The following TNN variants were observed in gnomAD, a reference collection of about 807,000 sequenced individuals.
The protein encoded by TNN is tenascin-N.
In TNN, 122 loss-of-function variants were observed where a neutral mutation model predicts 134.4. That is an observed-to-expected ratio of 0.91 (90% CI 0.78 to 1.06). The LOEUF (loss-of-function observed/expected upper bound fraction) is 1.06. TNN is among the 50% of genes least tolerant of loss of function. The pLI, the probability that TNN is intolerant of heterozygous loss-of-function variation, is 0.00. For synonymous variants in TNN, 710 were observed against 670.3 expected, an observed-to-expected ratio of 1.06 and a Z score of -0.91; for missense variants, 1,739 against 1,699.4, an observed-to-expected ratio of 1.02 and a Z score of -0.41.
chr1:175,110,198 TAAG>T (rs1224720887), intron 9 of TNN, among the ~76,000 whole-genome samples: 2 of 152,204 alleles, frequency 1.3e-5, no homozygotes, highest in African/African-American at 4.8e-5. Flanking sequence ...CATTTTAAAA[TAAG>T]ATGATGATGA....
chr1:175,124,451 C>G (rs1675458829), intron 12 of TNN, among the ~76,000 whole-genome samples: 2 of 152,166 alleles, frequency 1.3e-5, no homozygotes, highest in Admixed American at 1.3e-4. Context: ...GAGGTCAAGG[C>G]TGGTGGATCA....
intron 9 of TNN, among the ~76,000 whole-genome samples, chr1:175,107,995 C>T (rs1314514199): frequency 2.2e-5 from 3 of 139,192 alleles, no homozygotes; most frequent in Non-Finnish European, 3.1e-5. Flanking sequence ...TACACAGTGT[C>T]GATTGGTGCA....
chr1:175,141,027 G>A (rs11580347), intron 17 of TNN, among the ~76,000 whole-genome samples: 24,575 of 152,174 alleles, frequency 0.16, 2,386 homozygotes, highest in Non-Finnish European at 0.22. Context: ...TGGCATGCAT[G>A]CAGCCTGGCA....
Position 175,147,441 on chromosome 1 carries a change from T to A in TNN, c.*370T>A, listed in dbSNP as rs1179863778. On this transcript the variant is annotated 3_prime_UTR_variant, in exon 19 of 19. Coordinates refer to ENST00000239462, the MANE Select transcript of TNN (RefSeq NM_022093.2). Reference sequence around the variant, plus strand: ...GTATTTAAAGTTCTGCTAATGCAAATCTTTTCTCTGGAAAGAAGCACAGAG... The same window carrying A: ...GTATTTAAAGTTCTGCTAATGCAAAACTTTTCTCTGGAAAGAAGCACAGAG... 1.2e-5 allele frequency: 2 copies of A among 167,956 alleles called. No homozygotes were observed. The highest frequency in any genetic ancestry group is 2.5e-5 in the Non-Finnish European group (2 of 78,878). The allele number at this position is 167,956 out of a possible 1,614,324, so 10.4% of individuals were successfully genotyped here.
chr1:175,079,675 A>G lies in TNN; in HGVS notation c.752A>G (p.Glu251Gly). ...TGTGACACGGGCGAGTGCTACTGCG[A>G]GGAGGGCTTCACAGGCCTGGACTGT... ...GFCDTGECYC[E>G]EGFTGLDCAQ... Residue 251 changes from glutamate (E) to glycine (G), a missense_variant, in exon 3 of 19, where the codon GAG becomes GGG. Glu to Gly is a moderately conservative substitution (Grantham distance 98, BLOSUM62 -2). Coordinates refer to ENST00000239462, the MANE Select transcript of TNN (RefSeq NM_022093.2). 6.2e-7 allele frequency: 1 copy of G among 1,608,298 alleles called. No individual in the cohort carries two copies. The highest frequency in any genetic ancestry group is 8.5e-7 in the Non-Finnish European group (1 of 1,177,686).
rs148591706 is a variant in TNN, at chr1:175,132,092, G to A, written c.3330+3346G>A. Among the ~76,000 whole-genome samples, 495 of 152,182 alleles carry A rather than the reference G, an allele frequency of 3.3e-3. 2 individuals carry two copies. The highest frequency in any genetic ancestry group is 0.012 in the South Asian group (57 of 4,824). On this transcript the variant is annotated intron_variant, in intron 15 of 18. Coordinates refer to ENST00000239462, the MANE Select transcript of TNN (RefSeq NM_022093.2). ...TTGTGGTGGGAACGTGATTTGACAC[G>A]ATGTATGTGGAGCCATACATCGGTG...
intron 9 of TNN, among the ~76,000 whole-genome samples, chr1:175,105,656 C>T: frequency 6.9e-6 from 1 of 145,574 alleles, no homozygotes; most frequent in East Asian, 2.3e-4. Context: ...CCATTTTTCC[C>T]CATCAGAAAG....
In TNN at chr1:175,085,455, G is replaced by C. The variant is rs746885151; in HGVS notation, c.1285G>C (p.Glu429Gln). The C allele has an allele frequency of 3.7e-6, 6 of 1,612,962 alleles. No individual in the cohort carries two copies. The Admixed American group carries it at 6.7e-5, about 18-fold the overall frequency. The change falls in exon 6 of 19, where the codon GAG becomes CAG. Residue 429 changes from glutamate (E) to glutamine (Q), a missense_variant. Glu to Gln is a conservative substitution (Grantham distance 29, BLOSUM62 2). Transcript: ENST00000239462. ...YKITVVPMRG[E>Q]LEGKPILLNG... ...GATCACGGTGGTGCCCATGAGAGGA[G>C]AGCTGGAGGGCAAGCCGATCCTCCT... is the stretch of plus-strand genomic sequence containing the variant.
rs1406700489 is a variant in TNN, at chr1:175,067,888, G to A, written c.-83G>A. 4 of 499,602 alleles carry A rather than the reference G, an allele frequency of 8.0e-6. No homozygotes were observed. Among genetic ancestry groups the A allele is most frequent in the African/African-American group, 5.8e-5 (3 of 51,528 alleles). The allele number at this position is 499,602 out of a possible 1,614,324, so 30.9% of individuals were successfully genotyped here. A position where few individuals can be genotyped will look rare whatever the true frequency, so the allele number is the denominator to read the frequency against. ...CCAAGGTCTGCGGCAGGAGGAGACC[G>A]GCTCACAGGAGCAGCAGCATTGGAA... is the stretch of plus-strand genomic sequence containing the variant. On this transcript the variant is annotated 5_prime_UTR_variant, in exon 1 of 19. Transcript: ENST00000239462.
intron 9 of TNN, among the ~76,000 whole-genome samples, chr1:175,115,206 T>C (rs1414598935): frequency 1.3e-5 from 2 of 152,060 alleles, no homozygotes; most frequent in African/African-American, 4.8e-5. Flanking sequence ...AGGCACTGAT[T>C]CCCCAGTGGG....
intron 1 of TNN, among the ~76,000 whole-genome samples, chr1:175,072,834 T>A (rs1445050009): frequency 6.6e-6 from 1 of 151,676 alleles, no homozygotes; most frequent in East Asian, 1.9e-4. Context: ...AACAGGGACT[T>A]GTGGGAGTTC....
intron 2 of TNN, 60 bp downstream of exon 2, chr1:175,077,887 G>A: frequency 6.6e-7 from 1 of 1,516,170 alleles, no homozygotes; most frequent in Middle Eastern, 1.8e-4. Flanking sequence ...TTATGTGCCA[G>A]GGTTTCCACT....
chr1:175,115,097 G>A (rs891254667), intron 9 of TNN, among the ~76,000 whole-genome samples: 12 of 152,112 alleles, frequency 7.9e-5, no homozygotes, highest in Non-Finnish European at 1.8e-4. Flanking sequence ...TGTCTGGCCA[G>A]TAGGGTGGGG....
At chr1:175,121,418 C>T (rs4650699) in intron 11 of TNN, among the ~76,000 whole-genome samples, 95,469 of 152,000 alleles carry the variant, frequency 0.63, 29,967 homozygotes, top group Admixed American at 0.64. Flanking sequence ...TGAGATGAGG[C>T]GGGAGGAGCA....
chr1:175,097,365 T>G, intron 7 of TNN, 52 bp from the exon 8 acceptor site: 1 of 1,604,194 alleles, frequency 6.2e-7, no homozygotes, highest in Non-Finnish European at 8.5e-7. Flanking sequence ...GCTGTCTTTA[T>G]GGAATTAGAG....
intron 6 of TNN, among the ~76,000 whole-genome samples, chr1:175,091,080 G>C (rs575293065): frequency 1.3e-5 from 2 of 152,220 alleles, no homozygotes; most frequent in African/African-American, 2.4e-5. Context: ...GGTAGAAAGA[G>C]GTTTCAGTCC....
Position 175,118,475 on chromosome 1 carries a change from G to A in TNN, c.2387-86G>A, listed in dbSNP as rs547280080. ...GGCGGAAACCCCACACAACATGAAAGGGTTTCACCCCACGCAAAATGACCA... is the reference window on the plus strand; with the variant it reads ...GGCGGAAACCCCACACAACATGAAAAGGTTTCACCCCACGCAAAATGACCA... On this transcript the variant is annotated intron_variant, in intron 10 of 18. Coordinates refer to ENST00000239462, the MANE Select transcript of TNN (RefSeq NM_022093.2). The A allele has an allele frequency of 6.6e-6, 10 of 1,509,540 alleles. No homozygotes were observed. In the African/African-American group the frequency reaches 1.4e-4, roughly 21 times the overall value. 93.5% of individuals were successfully genotyped at this position (1,509,540 alleles called of 1,614,324 possible).
At chr1:175,074,321 A>G (rs917000979) in intron 1 of TNN, among the ~76,000 whole-genome samples, 2 of 151,944 alleles carry the variant, frequency 1.3e-5, no homozygotes, top group East Asian at 3.9e-4. Flanking sequence ...CATCTCCACA[A>G]AAAAAATACA....
intron 9 of TNN, among the ~76,000 whole-genome samples, chr1:175,114,721 G>A (rs180885272): frequency 1.8e-4 from 26 of 146,738 alleles, no homozygotes; most frequent in South Asian, 8.5e-4. Flanking sequence ...GGGTGCAGCC[G>A]TGGTTTAACT....
Sources: allele counts gnomAD v4.1 joint callset (sites outside exome capture counted in the v4.1 genomes callset), GRCh38; gene constraint gnomAD v4.1.1; transcripts MANE v1.5; gene names NCBI Gene and HGNC (gene_info 2026-07-23, HGNC 2026-07-21).